CCDC7: variants seen among roughly 807,000 people sequenced by gnomAD.
CCDC7 encodes the protein coiled-coil domain containing 7.
In CCDC7, 183 loss-of-function variants were observed where a neutral mutation model predicts 196.9. The observed-to-expected ratio is 0.93, with a 90% CI of 0.82 to 1.05. The LOEUF (loss-of-function observed/expected upper bound fraction) is 1.05. CCDC7 is among the 50% of genes least tolerant of loss of function. CCDC7 has a pLI of 0.00. For synonymous variants in CCDC7, 525 were observed against 484.6 expected (o/e 1.08, Z -1.10); for missense variants, 1,540 against 1,482.2 (o/e 1.04, Z -0.64).
intron 41 of CCDC7, among the ~76,000 whole-genome samples, chr10:32,865,784 A>T (rs1380391186): frequency 6.6e-6 from 1 of 151,872 alleles, no homozygotes; most frequent in Non-Finnish European, 1.5e-5. Context: ...GGTTTTCATC[A>T]CTGTATGGCT....
In CCDC7 at chr10:32,504,568, G is replaced by A. The variant is rs1397641427; in HGVS notation, c.872+12571G>A. ...TGCAATAAACTTCCCACTTAGAACT[G>A]CTTTTGCTGCATTTCATGAGTTTTA... is the stretch of plus-strand genomic sequence containing the variant. On this transcript the variant is annotated intron_variant, in intron 9 of 41. Coordinates refer to ENST00000639629, the Ensembl canonical transcript of CCDC7. Among the ~76,000 whole-genome samples the A allele has an allele frequency of 4.6e-5, 7 of 152,114 alleles. No individual in the cohort carries two copies. In the East Asian group the frequency reaches 5.8e-4, roughly 13 times the overall value.
chr10:32,667,152 C>A (rs970605125), intron 21 of CCDC7, among the ~76,000 whole-genome samples: 5 of 151,088 alleles, frequency 3.3e-5, no homozygotes, highest in African/African-American at 1.2e-4. Context: ...TGTCATGTGG[C>A]TGCATAAATG....
In CCDC7 at chr10:32,728,968, A is replaced by C. The variant is rs1251028990; in HGVS notation, c.2750A>C (p.Gln917Pro). 1.9e-6 allele frequency: 3 copies of C among 1,574,440 alleles called. No homozygotes were observed. The Admixed American group carries it at 5.2e-5, about 27-fold the overall frequency. Residue 917 changes from glutamine to proline, a missense_variant, in exon 27 of 42, where the codon CAA becomes CCA. By Grantham distance (76) the Gln-to-Pro change is moderately conservative. Coordinates refer to ENST00000639629, the Ensembl canonical transcript of CCDC7. ...AAACTCCAAATGCAAGAAAAGAAAC[A>C]AATAAATTCTGGAGTGGAAAGACAC...
intron 21 of CCDC7, among the ~76,000 whole-genome samples, chr10:32,682,785 T>A (rs1394943474): frequency 1.3e-5 from 2 of 152,194 alleles, no homozygotes; most frequent in Non-Finnish European, 2.9e-5. Flanking sequence ...TGGCAGCATG[T>A]ATATCTTCTT....
At chr10:32,524,952 T>C (rs1224465788) in intron 11 of CCDC7, among the ~76,000 whole-genome samples, 2 of 152,186 alleles carry the variant, frequency 1.3e-5, no homozygotes, top group African/African-American at 4.8e-5. Context: ...ATATTATCCC[T>C]TTGAATAAAC....
chr10:32,876,293 C>T lies in CCDC7; in HGVS notation c.4112-54C>T, dbSNP rs537906747. ...ATATCATATACAATAAAAATTATAT[C>T]AACTGGAGTAAAATTAAACTTTTTT... On this transcript the variant is annotated intron_variant, in intron 41 of 41. Transcript: ENST00000639629. 7.8e-5 allele frequency: 102 copies of T among 1,306,134 alleles called. 1 individual carries two copies. In the South Asian group the frequency reaches 1.2e-3, roughly 15 times the overall value. 80.9% of individuals were successfully genotyped at this position (1,306,134 alleles called of 1,614,324 possible).
At chr10:32,477,331 C>A (rs550346744) in intron 8 of CCDC7, among the ~76,000 whole-genome samples, 5 of 151,726 alleles carry the variant, frequency 3.3e-5, no homozygotes, top group Non-Finnish European at 5.9e-5. Flanking sequence ...GCCTCCCTAG[C>A]AGCTGGGACC....
intron 13 of CCDC7, among the ~76,000 whole-genome samples, chr10:32,562,603 G>T (rs1215784078): frequency 6.6e-6 from 1 of 151,960 alleles, no homozygotes; most frequent in Non-Finnish European, 1.5e-5. Context: ...ATTCAACAAC[G>T]CTTCATGCTA....
chr10:32,523,345 A>T (rs1258711354), intron 11 of CCDC7, among the ~76,000 whole-genome samples: 1 of 152,148 alleles, frequency 6.6e-6, no homozygotes, highest in Non-Finnish European at 1.5e-5. Context: ...CAGGAGTTCA[A>T]AACCAGCCTG....
intron 18 of CCDC7, among the ~76,000 whole-genome samples, chr10:32,608,622 C>T (rs1258134510): frequency 6.6e-6 from 1 of 151,950 alleles, no homozygotes; most frequent in Non-Finnish European, 1.5e-5. Flanking sequence ...CTCACTGCAC[C>T]CTCCGCCTCC....
chr10:32,711,124 GTGTA>G (rs1489652033), intron 24 of CCDC7, among the ~76,000 whole-genome samples: 4 of 143,934 alleles, frequency 2.8e-5, no homozygotes, highest in South Asian at 2.2e-4. Context: ...TGGTGTGTGT[GTGTA>G]TATATATATA....
intron 20 of CCDC7, among the ~76,000 whole-genome samples, chr10:32,656,181 A>G: frequency 6.6e-6 from 1 of 152,168 alleles, no homozygotes; most frequent in East Asian, 1.9e-4. Context: ...TTATTATGGC[A>G]GTTCCTCAAA....
chr10:32,753,886 T>C (rs2076018350), intron 28 of CCDC7, among the ~76,000 whole-genome samples: 1 of 152,200 alleles, frequency 6.6e-6, no homozygotes, highest in South Asian at 2.1e-4. Context: ...TTCATAAATT[T>C]CGTTTTTTGT....
At chr10:32,841,321 A>G (rs1398155870) in intron 33 of CCDC7, among the ~76,000 whole-genome samples, 1 of 152,006 alleles carries the variant, frequency 6.6e-6, no homozygotes, top group African/African-American at 2.4e-5. Flanking sequence ...CAAACTTAAT[A>G]TACACAAATC....
chr10:32,767,711 C>G (rs1049641265), intron 28 of CCDC7, among the ~76,000 whole-genome samples: 1 of 152,078 alleles, frequency 6.6e-6, no homozygotes, highest in African/African-American at 2.4e-5. Context: ...CAGACATTAA[C>G]AAATGTCCAC....
intron 14 of CCDC7, among the ~76,000 whole-genome samples, 200 bp from the exon 16 acceptor site, chr10:32,567,470 G>A (rs1163477808): frequency 1.3e-5 from 2 of 152,020 alleles, no homozygotes; most frequent in Admixed American, 1.3e-4. Context: ...GGTGGAAGAG[G>A]TTTCTTCACA....
chr10:32,621,078 A>G (rs1169341342), intron 18 of CCDC7, among the ~76,000 whole-genome samples: 1 of 152,092 alleles, frequency 6.6e-6, no homozygotes, highest in Non-Finnish European at 1.5e-5. Context: ...GTTTAGTCTG[A>G]TTGTTTCAGT....
At chr10:32,718,503 G>A (rs2081950217) in intron 25 of CCDC7, among the ~76,000 whole-genome samples, 1 of 152,060 alleles carries the variant, frequency 6.6e-6, no homozygotes, top group Admixed American at 6.5e-5. Context: ...ATTCAACATA[G>A]TATTGGAAGT....
At chr10:32,780,073 C>T (rs1181895944) in intron 29 of CCDC7, among the ~76,000 whole-genome samples, 1 of 151,956 alleles carries the variant, frequency 6.6e-6, no homozygotes. Flanking sequence ...CCCGTCTCTA[C>T]AAAAATACAA....
Sources: gnomAD v4.1 joint callset for allele counts (sites outside exome capture counted in the v4.1 genomes callset) on GRCh38, gnomAD v4.1.1 for gene constraint, MANE v1.5 for transcripts, NCBI Gene and HGNC (gene_info 2026-07-23, HGNC 2026-07-21) for gene names.